SLC41A2: variants seen among roughly 807,000 people sequenced by gnomAD.
SLC41A2 encodes the protein SLC41A1-like 1.
SLC41A2 carries 32 observed loss-of-function variants against 58.3 expected under a neutral mutation model. The ratio of observed to expected loss-of-function variants is 0.55; its 90% CI spans 0.41 to 0.74. SLC41A2 has a LOEUF of 0.74. SLC41A2 is among the 30% of genes least tolerant of loss of function. SLC41A2 has a pLI of 0.00. For synonymous variants in SLC41A2, 190 were observed against 235.0 expected (o/e 0.81, Z 1.75); for missense variants, 514 against 680.6 (o/e 0.76, Z 2.72).
intron 10 of SLC41A2, among the ~76,000 whole-genome samples, chr12:104,832,911 G>A (rs1047601364): frequency 1.5e-4 from 23 of 152,116 alleles, no homozygotes; most frequent in African/African-American, 5.3e-4. Flanking sequence ...CTTATTGTCC[G>A]GTCTCAAATG....
intron 8 of SLC41A2, among the ~76,000 whole-genome samples, chr12:104,846,607 A>G (rs1010562996): frequency 1.9e-4 from 29 of 152,234 alleles, no homozygotes; most frequent in African/African-American, 7.0e-4. Flanking sequence ...AAGATTGGGG[A>G]CAGAGCAAGA....
At chr12:104,884,117 C>T (rs2044531421) in intron 6 of SLC41A2, among the ~76,000 whole-genome samples, 2 of 152,344 alleles carry the variant, frequency 1.3e-5, no homozygotes, top group African/African-American at 4.8e-5. Flanking sequence ...TAGCAGTGAG[C>T]AAGGCTCCAT....
rs997245467 is a variant in SLC41A2, at chr12:104,882,143, C to CT, written c.1027+4149dup. Among the ~76,000 whole-genome samples the CT allele has an allele frequency of 1.7e-3, 245 of 147,866 alleles. 1 individual carries two copies. The highest frequency in any genetic ancestry group is 4.4e-3 in the African/African-American group (179 of 40,468). On this transcript the variant is annotated intron_variant, in intron 6 of 10. Transcript: ENST00000258538. ...TCAGAGACTAGGATTGCAACCCCTG[C>CT]TTTTTTTTTTGTTTTCCATTTGCTT... is the stretch of plus-strand genomic sequence containing the variant.
At chr12:104,902,429 T>C (rs2045609898) in intron 3 of SLC41A2, among the ~76,000 whole-genome samples, 1 of 152,200 alleles carries the variant, frequency 6.6e-6, no homozygotes, top group South Asian at 2.1e-4. Context: ...AAAAAGAGTA[T>C]AGCTGGAAAT....
intron 10 of SLC41A2, among the ~76,000 whole-genome samples, chr12:104,818,337 T>A (rs1183593605): frequency 1.3e-5 from 2 of 152,238 alleles, no homozygotes; most frequent in East Asian, 3.9e-4. Context: ...GAAAACCAAC[T>A]AGAACTTTTA....
At chr12:104,848,083 T>A (rs1285815964) in intron 8 of SLC41A2, among the ~76,000 whole-genome samples, 2 of 152,126 alleles carry the variant, frequency 1.3e-5, no homozygotes, top group Admixed American at 1.3e-4. Context: ...AGATAGACCA[T>A]ATTACAGGCC....
chr12:104,912,410 T>G lies in SLC41A2; in HGVS notation c.556-2648A>C, dbSNP rs181441588. Among the ~76,000 whole-genome samples the G allele has an allele frequency of 4.6e-5, 7 of 152,284 alleles. No homozygotes were observed. The East Asian group carries it at 1.4e-3, about 29-fold the overall frequency. On this transcript the variant is annotated intron_variant, in intron 2 of 10. Transcript: ENST00000258538. ...AGGATGGAGGGACTGAAGGTTAAGT[T>G]GATCACCGATGACCAGGGGTTTAAT...
At chr12:104,889,398 G>C (rs2044833778) in intron 4 of SLC41A2, among the ~76,000 whole-genome samples, 1 of 152,160 alleles carries the variant, frequency 6.6e-6, no homozygotes, top group Non-Finnish European at 1.5e-5. Flanking sequence ...ATGGAACGGA[G>C]TCCAGGAATC....
In SLC41A2 at chr12:104,889,066, C is replaced by T. The variant is rs761541452; in HGVS notation, c.847G>A (p.Val283Met). Residue 283 changes from valine to methionine, a missense_variant, in exon 5 of 11, where the codon GTG becomes ATG. Physicochemically the swap from Val to Met is conservative, Grantham distance 21 (BLOSUM62 1). Around this residue, in one of 3 missense-constraint regions of SLC41A2, gnomAD observed 336 missense variants for 430.0 expected, o/e 0.78. Transcript: ENST00000258538. ...DHSILLCSSS[V>M]ATAFIASLLQ... Reference sequence around the variant, plus strand: ...AGAGATGCAATGAAGGCAGTTGCCACACTGCTAGAGCACAGAAGTATGGAA... The same window carrying T: ...AGAGATGCAATGAAGGCAGTTGCCATACTGCTAGAGCACAGAAGTATGGAA... The T allele has an allele frequency of 1.0e-5, 16 of 1,599,726 alleles. No individual in the cohort carries two copies. The highest frequency in any genetic ancestry group is 1.4e-5 in the Non-Finnish European group (16 of 1,176,656).
intron 10 of SLC41A2, among the ~76,000 whole-genome samples, chr12:104,811,767 A>C (rs1223535911): frequency 2.0e-5 from 3 of 152,236 alleles, no homozygotes; most frequent in African/African-American, 7.2e-5. Context: ...ACAACTTAGA[A>C]TATCTACTGA....
At chr12:104,892,320 A>G (rs2045037237) in intron 4 of SLC41A2, among the ~76,000 whole-genome samples, 1 of 135,392 alleles carries the variant, frequency 7.4e-6, no homozygotes, top group Non-Finnish European at 1.6e-5. Flanking sequence ...ATAAAATAAA[A>G]TAAAATAAAA....
At chr12:104,813,438 T>C (rs1343799913) in intron 10 of SLC41A2, among the ~76,000 whole-genome samples, 1 of 152,134 alleles carries the variant, frequency 6.6e-6, no homozygotes, top group Non-Finnish European at 1.5e-5. Context: ...AATCCTCGTC[T>C]ATGACAACTA....
At chr12:104,820,364 G>A (rs1215618483) in intron 10 of SLC41A2, among the ~76,000 whole-genome samples, 6 of 152,222 alleles carry the variant, frequency 3.9e-5, no homozygotes, top group African/African-American at 9.6e-5. Flanking sequence ...TCAGGAGGCT[G>A]AGGCAAGAGG....
chr12:104,885,456 A>G (rs2044608815), intron 6 of SLC41A2, among the ~76,000 whole-genome samples: 1 of 152,196 alleles, frequency 6.6e-6, no homozygotes, highest in South Asian at 2.1e-4. Context: ...TTTATTTTAA[A>G]GTACACCATA....
At chr12:104,904,579 G>GC (rs1375382284) in intron 3 of SLC41A2, among the ~76,000 whole-genome samples, 10 of 118,954 alleles carry the variant, frequency 8.4e-5, no homozygotes, top group Non-Finnish European at 1.7e-4. Flanking sequence ...GAATGAAGCC[G>GC]CGGACCCTCG....
At chr12:104,827,170 T>C (rs539245340) in intron 10 of SLC41A2, among the ~76,000 whole-genome samples, 6 of 152,348 alleles carry the variant, frequency 3.9e-5, no homozygotes, top group African/African-American at 1.4e-4. Context: ...CACACCTCTC[T>C]TATCTCTTGA....
In SLC41A2 at chr12:104,834,267, T is replaced by A. The variant is rs997280379; in HGVS notation, c.1536+10205A>T. ...TAAGCTATAATAGCATAATCACACA[T>A]AACAAAAATGCAATCACGAGGCTGT... On this transcript the variant is annotated intron_variant, in intron 10 of 10. Coordinates refer to ENST00000258538, the MANE Select transcript of SLC41A2 (RefSeq NM_001352171.3). 4 of 756,924 alleles carry A rather than the reference T, an allele frequency of 5.3e-6. No homozygotes were observed. The African/African-American group carries it at 5.7e-5, about 11-fold the overall frequency. 46.9% of individuals were successfully genotyped at this position (756,924 alleles called of 1,614,324 possible).
intron 6 of SLC41A2, among the ~76,000 whole-genome samples, chr12:104,872,136 A>G (rs1021406110): frequency 1.3e-5 from 2 of 152,136 alleles, no homozygotes; most frequent in Middle Eastern, 3.2e-3. Context: ...ATATGAGATC[A>G]GTAAACAGCT....
intron 8 of SLC41A2, among the ~76,000 whole-genome samples, chr12:104,860,787 C>T (rs531733830): frequency 6.6e-6 from 1 of 152,052 alleles, no homozygotes; most frequent in East Asian, 1.9e-4. Flanking sequence ...CTATGTTGCC[C>T]TGGCCTCAAA....
Sources: gnomAD v4.1 joint callset for allele counts (sites outside exome capture counted in the v4.1 genomes callset) on GRCh38, gnomAD v4.1.1 for gene constraint, gnomAD v4.1.1 regional missense constraint, MANE v1.5 for transcripts, NCBI Gene and HGNC (gene_info 2026-07-23, HGNC 2026-07-21) for gene names.